PSMD1: variants seen among roughly 807,000 people sequenced by gnomAD.
PSMD1 encodes proteasome 26S subunit, non-ATPase 1.
Under a neutral mutation model 119.0 loss-of-function variants are expected in PSMD1, and 18 were observed. That is an observed-to-expected ratio of 0.15 (90% CI 0.10 to 0.22). PSMD1 has a LOEUF of 0.22. Among genes scored for constraint, PSMD1 ranks in the 10% least tolerant of loss-of-function variants. The pLI is 1.00. For missense variants in PSMD1, 702 were observed against 1,158.5 expected (o/e 0.61, Z 5.72); for synonymous variants, 374 against 396.6 (o/e 0.94, Z 0.68).
chr2:231,100,105 C>T (rs866005539), intron 16 of PSMD1, among the ~76,000 whole-genome samples: 3 of 152,274 alleles, frequency 2.0e-5, no homozygotes, highest in Non-Finnish European at 4.4e-5. Context: ...AGCCTCCTCA[C>T]GAGAGAGAAC....
At chr2:231,090,601 C>T (rs1430802868) in intron 16 of PSMD1, among the ~76,000 whole-genome samples, 1 of 152,138 alleles carries the variant, frequency 6.6e-6, no homozygotes, top group Non-Finnish European at 1.5e-5. Context: ...TGCCATAAAA[C>T]GTGATTCCTC....
At chr2:231,148,860 T>C (rs894180818) in intron 18 of PSMD1, among the ~76,000 whole-genome samples, 10 of 152,190 alleles carry the variant, frequency 6.6e-5, no homozygotes, top group Non-Finnish European at 1.5e-4. Flanking sequence ...ATACAGCATG[T>C]TGCCAAAAAG....
chr2:231,063,396 T>C (rs569239584), intron 4 of PSMD1, among the ~76,000 whole-genome samples: 1 of 152,350 alleles, frequency 6.6e-6, no homozygotes, highest in South Asian at 2.1e-4. Flanking sequence ...TTCAGACATG[T>C]GTTTATCAGA....
chr2:231,127,543 C>T (rs111381553), intron 16 of PSMD1, among the ~76,000 whole-genome samples: 3,383 of 152,154 alleles, frequency 0.022, 139 homozygotes, highest in African/African-American at 0.077. Flanking sequence ...TTAGCAGAGA[C>T]GGGGTTTCGC....
chr2:231,126,263 G>A (rs1695716672), intron 16 of PSMD1, among the ~76,000 whole-genome samples: 1 of 152,022 alleles, frequency 6.6e-6, no homozygotes, highest in East Asian at 1.9e-4. Flanking sequence ...TTAGCCAAGG[G>A]TGGTGGTTCA....
chr2:231,064,627 T>C (rs1574702672), intron 4 of PSMD1, among the ~76,000 whole-genome samples: 1 of 152,342 alleles, frequency 6.6e-6, no homozygotes, highest in East Asian at 1.9e-4. Context: ...ACTGGAATTC[T>C]TTAAGGTCTA....
intron 12 of PSMD1, among the ~76,000 whole-genome samples, chr2:231,081,051 G>A (rs1050409848): frequency 1.3e-5 from 2 of 150,978 alleles, no homozygotes; most frequent in South Asian, 2.1e-4. Context: ...GGCTGAGGCA[G>A]GAGAATCACT....
intron 16 of PSMD1, chr2:231,109,226 T>C (rs1349081392): frequency 3.7e-6 from 6 of 1,614,206 alleles, no homozygotes; most frequent in Non-Finnish European, 5.1e-6. Context: ...GTAAGCCTTC[T>C]TCTGTAAAGC....
intron 24 of PSMD1, among the ~76,000 whole-genome samples, 187 bp from the exon 25 acceptor site, chr2:231,172,348 A>G (rs1243253464): frequency 6.6e-6 from 1 of 152,218 alleles, no homozygotes; most frequent in Non-Finnish European, 1.5e-5. Context: ...CAAAGGGGTA[A>G]AATATTCAGT....
chr2:231,072,400 G>T lies in PSMD1; in HGVS notation c.866G>T (p.Gly289Val), dbSNP rs1160312493. 1 of 1,611,296 alleles carries T rather than the reference G, an allele frequency of 6.2e-7. No homozygotes were observed. The part of the protein sequence containing the change: ...PGSTNTGTVP[G>V]SEKDSDSMET... ...TCCACTAATACGGGTACTGTTCCGG[G>T]ATCAGAGAAAGACAGGTATAAGTAC... Residue 289 changes from glycine to valine, a missense_variant, in exon 7 of 25, where the codon GGA (glycine) becomes GTA (valine). Around this residue, in one of 9 missense-constraint regions of PSMD1, gnomAD observed 69 missense variants for 71.6 expected, o/e 0.96. Transcript: ENST00000308696.
intron 16 of PSMD1, among the ~76,000 whole-genome samples, chr2:231,094,128 C>T (rs963750857): frequency 2.0e-5 from 3 of 151,960 alleles, no homozygotes; most frequent in East Asian, 1.9e-4. Context: ...AGGGTTAACA[C>T]CTGTTGGAGG....
Position 231,080,213 on chromosome 2 carries a change from C to G in PSMD1, c.1312C>G (p.Gln438Glu), listed in dbSNP as rs1441924264. 3 of 1,613,348 alleles carry G rather than the reference C, an allele frequency of 1.9e-6. No individual in the cohort carries two copies. Among genetic ancestry groups the G allele is most frequent in the Non-Finnish European group, 2.5e-6 (3 of 1,179,414 alleles). Residue 438 changes from glutamine (Q) to glutamate (E), a missense_variant, in exon 12 of 25, where the codon CAG (glutamine) becomes GAG (glutamate). Coordinates refer to ENST00000308696, the MANE Select transcript of PSMD1 (RefSeq NM_002807.4). ...PKDTSPGSAY[Q>E]EGGGLYALGL... ...GGATACTTCTCCAGGATCAGCCTAT[C>G]AGGAAGGTGGAGGTCTCTATGCACT...
intron 4 of PSMD1, among the ~76,000 whole-genome samples, chr2:231,063,495 C>G (rs1389709705): frequency 6.6e-6 from 1 of 152,136 alleles, no homozygotes; most frequent in Non-Finnish European, 1.5e-5. Flanking sequence ...AGTAGAAGGT[C>G]TGTATTATTC....
chr2:231,109,182 A>G (rs775381920), intron 16 of PSMD1: 3 of 1,614,222 alleles, frequency 1.9e-6, no homozygotes, highest in East Asian at 2.2e-5. Flanking sequence ...ACAGTCAACC[A>G]TGTTAGGCGT....
intron 16 of PSMD1, chr2:231,108,857 C>A: frequency 1.2e-6 from 2 of 1,614,046 alleles, no homozygotes; most frequent in Non-Finnish European, 1.7e-6. Flanking sequence ...GGAAACATAG[C>A]CTATCCACAC....
intron 16 of PSMD1, among the ~76,000 whole-genome samples, chr2:231,100,698 A>G (rs115649173): frequency 0.01 from 1,581 of 152,342 alleles, 13 homozygotes; most frequent in Non-Finnish European, 0.016. Context: ...CTAACACAAC[A>G]GTTTGCATTA....
At chr2:231,077,628 C>T (rs554728045) in intron 9 of PSMD1, among the ~76,000 whole-genome samples, 1 of 151,876 alleles carries the variant, frequency 6.6e-6, no homozygotes, top group African/African-American at 2.4e-5. Flanking sequence ...GCGATTCTTA[C>T]CTTGTTGCAG....
intron 19 of PSMD1, among the ~76,000 whole-genome samples, chr2:231,154,737 G>A (rs765257512): frequency 6.6e-6 from 1 of 152,090 alleles, no homozygotes; most frequent in Non-Finnish European, 1.5e-5. Context: ...CTGAAGTGCT[G>A]GGATTATAGC....
intron 16 of PSMD1, among the ~76,000 whole-genome samples, chr2:231,096,254 C>T (rs1694721927): frequency 6.6e-6 from 1 of 152,126 alleles, no homozygotes; most frequent in African/African-American, 2.4e-5. Context: ...TGTAGGATAT[C>T]CCTTGTCTTT....
Sources: allele counts gnomAD v4.1 joint callset (sites outside exome capture counted in the v4.1 genomes callset), GRCh38; gene constraint gnomAD v4.1.1; regional missense constraint gnomAD v4.1.1; transcripts MANE v1.5; gene names NCBI Gene and HGNC (gene_info 2026-07-23, HGNC 2026-07-21).